The following DENND4A variants were observed in gnomAD, a reference collection of about 807,000 sequenced individuals.
DENND4A encodes DENN domain containing 4A, also known as C-myc promoter-binding protein.
A neutral mutation model predicts 199.3 loss-of-function variants in DENND4A; 70 were observed. The observed-to-expected ratio is 0.35, with a 90% CI of 0.29 to 0.43. DENND4A has a LOEUF of 0.43. Ranked by LOEUF, DENND4A falls within the 20% of genes least tolerant of loss-of-function variation. DENND4A has a pLI of 1.00. For synonymous variants in DENND4A, 686 were observed against 766.9 expected (o/e 0.89, Z 1.74); for missense variants, 1,723 against 2,255.8 (o/e 0.76, Z 4.78).
intron 1 of DENND4A, among the ~76,000 whole-genome samples, chr15:65,769,208 C>CACACAG (rs1317779499): frequency 6.9e-6 from 1 of 145,108 alleles, no homozygotes; most frequent in Admixed American, 6.7e-5. Flanking sequence ...TACACACACA[C>CACACAG]ACACACACAC....
chr15:65,768,236 T>TG (rs2077034717), intron 1 of DENND4A, among the ~76,000 whole-genome samples: 1 of 152,130 alleles, frequency 6.6e-6, no homozygotes, highest in African/African-American at 2.4e-5. Context: ...CTCCTGGTCT[T>TG]GAACTCCTGG....
At chr15:65,747,933 A>C (rs912458866) in intron 4 of DENND4A, among the ~76,000 whole-genome samples, 6 of 149,954 alleles carry the variant, frequency 4.0e-5, no homozygotes, top group Non-Finnish European at 1.5e-5. Flanking sequence ...CCAGCTACTC[A>C]GGAGGCTGAG....
intron 14 of DENND4A, among the ~76,000 whole-genome samples, chr15:65,706,590 G>A (rs1025646795): frequency 1.3e-5 from 2 of 151,676 alleles, no homozygotes; most frequent in Admixed American, 6.6e-5. Flanking sequence ...TCTGCCTCCC[G>A]GTTCAAGTGA....
At chr15:65,788,269 G>A (rs1374765708) in intron 1 of DENND4A, among the ~76,000 whole-genome samples, 2 of 151,944 alleles carry the variant, frequency 1.3e-5, no homozygotes, top group Non-Finnish European at 2.9e-5. Flanking sequence ...TAGAGACAGG[G>A]TTTCACCGTG....
At chr15:65,755,990 G>A in intron 3 of DENND4A, 150 bp downstream of exon 3, 1 of 690,674 alleles carries the variant, frequency 1.4e-6, no homozygotes, top group Non-Finnish European at 2.3e-6. Flanking sequence ...AAAGGAAACA[G>A]GGAGAGAATA....
intron 20 of DENND4A, among the ~76,000 whole-genome samples, chr15:65,697,715 C>A (rs2077195430): frequency 6.6e-6 from 1 of 152,150 alleles, no homozygotes. Context: ...CATGACCTTT[C>A]TAGTTGAAAG....
chr15:65,754,116 G>A (rs1344446407), intron 3 of DENND4A, among the ~76,000 whole-genome samples: 1 of 151,838 alleles, frequency 6.6e-6, no homozygotes, highest in East Asian at 1.9e-4. Flanking sequence ...TTACAGGCAT[G>A]AGCCACTGTG....
At chr15:65,682,608 A>G (rs1724425441) in intron 23 of DENND4A, among the ~76,000 whole-genome samples, 1 of 152,238 alleles carries the variant, frequency 6.6e-6, no homozygotes, top group South Asian at 2.1e-4. Context: ...TGTCACTTTT[A>G]ATTTCCTTCA....
chr15:65,752,345 T>G, intron 4 of DENND4A, 34 bp downstream of exon 4: 1 of 1,036,866 alleles, frequency 9.6e-7, no homozygotes, highest in Non-Finnish European at 1.3e-6. Context: ...TTTTCATCAG[T>G]GGTTAATGTT....
intron 12 of DENND4A, chr15:65,719,330 T>A (rs985331136): frequency 4.6e-5 from 7 of 151,236 alleles, no homozygotes; most frequent in South Asian, 4.2e-4. Context: ...TTCCCTTTTT[T>A]TTTTTTTTAA....
At chr15:65,742,859 G>A (rs1475473142) in intron 4 of DENND4A, among the ~76,000 whole-genome samples, 1 of 152,124 alleles carries the variant, frequency 6.6e-6, no homozygotes, top group African/African-American at 2.4e-5. Context: ...TGTACTCCCA[G>A]AGGCTCACAC....
rs137992702 is a variant in DENND4A at position 65,777,852 on chromosome 15, G to A, written c.-102+14158C>T. 4.9e-3 allele frequency among the ~76,000 whole-genome samples: 747 copies of A among 152,100 alleles called. 7 individuals carry two copies. The highest frequency in any genetic ancestry group is 0.017 in the African/African-American group (711 of 41,454). Reference sequence around the variant, plus strand: ...AGTTCGAGACCAGTCTGGCCAATACGGTGAAACCCTGTCTCAAATAAAAAT... The same window carrying A: ...AGTTCGAGACCAGTCTGGCCAATACAGTGAAACCCTGTCTCAAATAAAAAT... On this transcript the variant is annotated intron_variant, in intron 1 of 32. Transcript: ENST00000443035.
intron 11 of DENND4A, among the ~76,000 whole-genome samples, chr15:65,727,651 C>T (rs2075841156): frequency 6.6e-6 from 1 of 152,054 alleles, no homozygotes; most frequent in African/African-American, 2.4e-5. Context: ...ACCTACTTCA[C>T]ATTTACATAT....
chr15:65,717,893 C>T lies in DENND4A; in HGVS notation c.1692G>A (p.Glu564=). The T allele has an allele frequency of 6.2e-7, 1 of 1,607,520 alleles. No individual in the cohort carries two copies. The highest frequency in any genetic ancestry group is 8.5e-7 in the Non-Finnish European group (1 of 1,176,514). The change falls in exon 13 of 33, where the codon GAG becomes GAA. Residue 564 remains glutamate, a synonymous_variant. Transcript: ENST00000443035. ...RLHMIDLEIQ[E]AFLFFMASIL... is the part of the protein sequence containing the mutation. Reference sequence around the variant, plus strand: ...TAGAGGCCATGAAAAACAAAAATGCCTCTTGGATTTCCAAATCTATCATGT... The same window carrying T: ...TAGAGGCCATGAAAAACAAAAATGCTTCTTGGATTTCCAAATCTATCATGT...
chr15:65,697,223 A>G (rs1319057853), intron 21 of DENND4A, 44 bp downstream of exon 21: 17 of 1,206,362 alleles, frequency 1.4e-5, no homozygotes, highest in East Asian at 2.4e-5. Context: ...TTCTATGAAT[A>G]TAAGTTCTCA....
In DENND4A at chr15:65,729,205, A is replaced by G; in HGVS notation, c.1354T>C (p.Cys452Arg). 1 of 1,587,360 alleles carries G rather than the reference A, an allele frequency of 6.3e-7. No homozygotes were observed. The highest frequency in any genetic ancestry group is 8.6e-7 in the Non-Finnish European group (1 of 1,165,940). ...AAGACATCTGCTAAAGCCAGTGGGC[A>G]GAGAGGAACATACGGGCATGGCCAG... The part of the protein sequence containing the change: ...FHWPCPYVPL[C>R]PLALADVLSA... The change falls in exon 11 of 33, where the codon TGC (cysteine) becomes CGC (arginine). Residue 452 changes from cysteine (C) to arginine (R), a missense_variant. Around this residue, in one of 6 missense-constraint regions of DENND4A, gnomAD observed 725 missense variants for 952.9 expected, o/e 0.76. Transcript: ENST00000443035.
intron 21 of DENND4A, chr15:65,696,942 G>A (rs2142132392): frequency 3.3e-6 from 1 of 307,080 alleles, no homozygotes; most frequent in Non-Finnish European, 6.3e-6. Flanking sequence ...AGGATCACAA[G>A]CTTTAAAATA....
At chr15:65,718,048 G>T in intron 12 of DENND4A, 52 bp from the exon 13 acceptor site, 1 of 1,289,124 alleles carries the variant, frequency 7.8e-7, no homozygotes, top group Non-Finnish European at 1.1e-6. Flanking sequence ...AAACACTCAT[G>T]ATGGTACCAA....
At chr15:65,728,078 G>A (rs1014334493) in intron 11 of DENND4A, among the ~76,000 whole-genome samples, 7 of 151,386 alleles carry the variant, frequency 4.6e-5, no homozygotes, top group Non-Finnish European at 1.0e-4. Flanking sequence ...GTGCAATCTC[G>A]GCTCACTGCA....
Sources: allele counts gnomAD v4.1 joint callset (sites outside exome capture counted in the v4.1 genomes callset), GRCh38; gene constraint gnomAD v4.1.1; regional missense constraint gnomAD v4.1.1; transcripts MANE v1.5; gene names NCBI Gene and HGNC (gene_info 2026-07-23, HGNC 2026-07-21).